PDE11A: variants seen among roughly 807,000 people sequenced by gnomAD.
PDE11A encodes dual 3',5'-cyclic-AMP and -GMP phosphodiesterase 11A.
PDE11A carries 100 observed loss-of-function variants against 100.5 expected under a neutral mutation model. The ratio of observed to expected loss-of-function variants is 1.00; its 90% CI spans 0.85 to 1.18. PDE11A has a LOEUF of 1.18. Among genes scored for constraint, PDE11A ranks in the 50% most tolerant of loss-of-function variants. The pLI is 0.00. For missense variants in PDE11A, 1,141 were observed against 1,152.6 expected (o/e 0.99, Z 0.15); for synonymous variants, 381 against 420.8 (o/e 0.91, Z 1.16).
intron 10 of PDE11A, among the ~76,000 whole-genome samples, chr2:177,753,027 C>T (rs920126511): frequency 1.3e-5 from 2 of 152,168 alleles, no homozygotes; most frequent in African/African-American, 2.4e-5. Flanking sequence ...AGAGCAGATG[C>T]CCAGGTGAAT....
chr2:178,027,202 A>T (rs2086488952), intron 1 of PDE11A, among the ~76,000 whole-genome samples: 1 of 152,190 alleles, frequency 6.6e-6, no homozygotes, highest in African/African-American at 2.4e-5. Flanking sequence ...ATTTATGATA[A>T]GGAAAAATTG....
chr2:177,627,109 C>A lies in PDE11A; in HGVS notation c.*2298G>T, dbSNP rs180948506. 2 of 142,206 alleles carry A rather than the reference C, an allele frequency of 1.4e-5. No individual in the cohort carries two copies. Among genetic ancestry groups the A allele is most frequent in the Non-Finnish European group, 3.0e-5 (2 of 66,726 alleles). The allele number at this position is 142,206 out of a possible 1,614,324, so 8.8% of individuals were successfully genotyped here. ...AGGGCAGTGACGTGATCTCGACTCACTGCAAGCTCCGCCTCGCGGGTTCCC... is the reference window on the plus strand; with the variant it reads ...AGGGCAGTGACGTGATCTCGACTCAATGCAAGCTCCGCCTCGCGGGTTCCC... On this transcript the variant is annotated 3_prime_UTR_variant, in exon 20 of 20. Transcript: ENST00000286063.
At chr2:177,905,281 G>T (rs1290386293) in intron 2 of PDE11A, 94 bp from the exon 3 acceptor site, 2 of 696,182 alleles carry the variant, frequency 2.9e-6, no homozygotes, top group Non-Finnish European at 5.2e-6. Context: ...ATGCCTGATT[G>T]TAATACTTTA....
chr2:177,931,911 C>CAAAAAAAAAAAA (rs71410773), intron 2 of PDE11A, among the ~76,000 whole-genome samples: 5 of 80,258 alleles, frequency 6.2e-5, no homozygotes, highest in African/African-American at 1.3e-4. Context: ...GCTAGATTAA[C>CAAAAAAAAAAAA]AAAAAAAAAA....
chr2:177,903,543 A>G (rs140106111), intron 3 of PDE11A, among the ~76,000 whole-genome samples: 9 of 152,366 alleles, frequency 5.9e-5, no homozygotes, highest in Non-Finnish European at 1.3e-4. Context: ...TAATTGTGCC[A>G]TACACAAGAA....
intron 19 of PDE11A, among the ~76,000 whole-genome samples, chr2:177,659,655 G>A (rs58439798): frequency 0.019 from 2,863 of 152,310 alleles, 44 homozygotes; most frequent in African/African-American, 0.038. Context: ...TAAGGAGCCA[G>A]AACTTAGCTT....
intron 9 of PDE11A, among the ~76,000 whole-genome samples, chr2:177,786,728 C>T (rs1233825019): frequency 2.0e-5 from 3 of 152,098 alleles, no homozygotes; most frequent in Non-Finnish European, 4.4e-5. Flanking sequence ...AGCTCAAGAA[C>T]TACGTGAAGA....
chr2:177,890,549 T>C (rs933724849), intron 4 of PDE11A, among the ~76,000 whole-genome samples: 9 of 152,332 alleles, frequency 5.9e-5, no homozygotes, highest in Admixed American at 6.5e-5. Context: ...GGGGTGGAAG[T>C]GGAGTGATGA....
intron 17 of PDE11A, among the ~76,000 whole-genome samples, chr2:177,673,640 G>A (rs781305847): frequency 3.9e-5 from 6 of 152,208 alleles, no homozygotes; most frequent in Non-Finnish European, 5.9e-5. Context: ...GTTTGATGCC[G>A]TGACTGATGG....
chr2:177,904,353 AATC>A (rs1435893139), intron 3 of PDE11A, among the ~76,000 whole-genome samples: 2 of 152,148 alleles, frequency 1.3e-5, no homozygotes, highest in Non-Finnish European at 1.5e-5. Context: ...AAACCCTTTC[AATC>A]CAAAAATGGT....
intron 19 of PDE11A, among the ~76,000 whole-genome samples, chr2:177,638,957 T>C (rs369044156): frequency 1.9e-4 from 29 of 152,354 alleles, no homozygotes; most frequent in African/African-American, 6.7e-4. Context: ...AGACTCAAAG[T>C]GGCCCTCTGC....
chr2:178,062,872 T>C (rs2086990418), intron 1 of PDE11A, among the ~76,000 whole-genome samples: 2 of 152,222 alleles, frequency 1.3e-5, no homozygotes, highest in African/African-American at 2.4e-5. Flanking sequence ...CTATGTTTTA[T>C]ATAAGGAATA....
At chr2:177,637,763 C>T (rs886400183) in intron 19 of PDE11A, among the ~76,000 whole-genome samples, 5 of 150,940 alleles carry the variant, frequency 3.3e-5, no homozygotes, top group Non-Finnish European at 5.9e-5. Context: ...GGCATTGTCT[C>T]ACAGCTCAAA....
Position 177,669,558 on chromosome 2 carries a change from GT to G in PDE11A, c.2496del (p.Glu832AspfsTer3). On this transcript the variant is annotated frameshift_variant, in exon 18 of 20. Transcript: ENST00000286063. LOFTEE classifies it high-confidence loss of function. ...KPWEISRQVAELVTSEFFEQG... is the reference protein window; with the variant it reads ...KPWEISRQVAXLVTSEFFEQG... ...TGTTCGAAGAACTCACTGGTTACAA[GT>G]TCTGCCACCTGAAACATATAAATAT... is the stretch of plus-strand genomic sequence containing the variant. The G allele has an allele frequency of 7.0e-7, 1 of 1,426,752 alleles. No individual in the cohort carries two copies. Among genetic ancestry groups the G allele is most frequent in the Non-Finnish European group, 9.9e-7 (1 of 1,009,440 alleles). 88.4% of individuals were successfully genotyped at this position (1,426,752 alleles called of 1,614,324 possible). A position where few individuals can be genotyped will look rare whatever the true frequency, so the allele number is the denominator to read the frequency against.
At chr2:177,670,625 T>G (rs916930104) in intron 17 of PDE11A, among the ~76,000 whole-genome samples, 4 of 152,190 alleles carry the variant, frequency 2.6e-5, no homozygotes, top group African/African-American at 9.7e-5. Flanking sequence ...CTTATGAAGA[T>G]AAGGTTCTTA....
intron 9 of PDE11A, among the ~76,000 whole-genome samples, chr2:177,791,644 C>T (rs2082634239): frequency 6.6e-6 from 1 of 151,846 alleles, no homozygotes; most frequent in Non-Finnish European, 1.5e-5. Flanking sequence ...TCCTGATTCT[C>T]TCCTGTGTTT....
chr2:178,082,207 C>T (rs1313380833), intron 2 of PDE11A, among the ~76,000 whole-genome samples: 2 of 152,126 alleles, frequency 1.3e-5, no homozygotes, highest in Non-Finnish European at 2.9e-5. Context: ...GCACTTAGAA[C>T]AGTATCTGTA....
intron 6 of PDE11A, among the ~76,000 whole-genome samples, chr2:177,827,153 C>T (rs1397056056): frequency 6.6e-6 from 1 of 152,158 alleles, no homozygotes; most frequent in Non-Finnish European, 1.5e-5. Flanking sequence ...CCCCATTATC[C>T]TTAAGTGCTA....
chr2:178,006,868 T>C (rs1337165471), intron 2 of PDE11A, among the ~76,000 whole-genome samples: 1 of 152,044 alleles, frequency 6.6e-6, no homozygotes. Flanking sequence ...GATGTTGAAT[T>C]CCAAACATAC....
Sources: allele counts gnomAD v4.1 joint callset (sites outside exome capture counted in the v4.1 genomes callset), GRCh38; gene constraint gnomAD v4.1.1; transcripts MANE v1.5; gene names NCBI Gene and HGNC (gene_info 2026-07-23, HGNC 2026-07-21).